Variants in CAMTA1 observed in about 807,000 individuals in gnomAD.
CAMTA1 encodes the protein calmodulin-binding transcription activator 1.
CAMTA1 carries 27 observed loss-of-function variants against 170.9 expected under a neutral mutation model. The observed-to-expected ratio is 0.16, with a 90% confidence interval of 0.12 to 0.22. The LOEUF is 0.22. CAMTA1 is among the 10% of genes least tolerant of loss of function. The pLI is 1.00. For missense variants in CAMTA1, 1,619 were observed against 2,217.2 expected (o/e 0.73, Z 5.42); for synonymous variants, 833 against 891.5 (o/e 0.93, Z 1.17).
intron 5 of CAMTA1, among the ~76,000 whole-genome samples, chr1:7,314,854 G>T (rs1415838624): frequency 1.3e-5 from 2 of 152,168 alleles, no homozygotes; most frequent in African/African-American, 4.8e-5. Flanking sequence ...GTGCATCTGA[G>T]ATCTGGCAGA....
At chr1:7,336,855 A>G (rs1349168344) in intron 5 of CAMTA1, among the ~76,000 whole-genome samples, 2 of 152,178 alleles carry the variant, frequency 1.3e-5, no homozygotes, top group Non-Finnish European at 2.9e-5. Context: ...TGGCCCTTCT[A>G]TCTTCCTCAC....
At position 6,802,099 on chromosome 1, in the gene CAMTA1, G is replaced by A. The variant is rs1570124710; in HGVS notation, c.45+16524G>A. On this transcript the variant is annotated intron_variant, in intron 1 of 22. Transcript: ENST00000303635. ...AAGCAGTTTTAGTCTAAGAAGAGCA[G>A]AAGCAATCGTAGCCTCTCGGGACAG... 4.6e-5 allele frequency among the ~76,000 whole-genome samples: 7 copies of A among 152,342 alleles called. 1 individual carries two copies. Among genetic ancestry groups the A allele is most frequent in the Admixed American group, 4.6e-4 (7 of 15,308 alleles).
At chr1:6,856,347 G>A (rs1232628498) in intron 3 of CAMTA1, among the ~76,000 whole-genome samples, 1 of 131,550 alleles carries the variant, frequency 7.6e-6, no homozygotes, top group South Asian at 2.8e-4. Flanking sequence ...TTTTTTTTTG[G>A]TATTCATTCA....
chr1:7,710,865 C>T (rs758697429), intron 11 of CAMTA1, among the ~76,000 whole-genome samples: 4 of 152,066 alleles, frequency 2.6e-5, no homozygotes, highest in African/African-American at 4.8e-5. Context: ...CTCTTATTTC[C>T]CTGTAGTTCC....
In CAMTA1 at chr1:7,328,295, C is replaced by A. The variant is rs1338044529; in HGVS notation, c.438+78669C>A. Among the ~76,000 whole-genome samples the A allele has an allele frequency of 2.0e-5, 3 of 152,028 alleles. No individual in the cohort carries two copies. In the East Asian group the frequency reaches 5.8e-4, roughly 29 times the overall value. On this transcript the variant is annotated intron_variant, in intron 5 of 22. Transcript: ENST00000303635. ...GCGGATTGAGCTCAGGAGTTTGAGA[C>A]CAGCCTGGGAAACATGGCAAAATGC... is the stretch of plus-strand genomic sequence containing the variant.
At chr1:7,013,327 T>C (rs1700093523) in intron 3 of CAMTA1, among the ~76,000 whole-genome samples, 1 of 149,986 alleles carries the variant, frequency 6.7e-6, no homozygotes, top group African/African-American at 2.5e-5. Flanking sequence ...GAGATTCTCA[T>C]GCCTTAGCCT....
chr1:7,499,811 G>A (rs1471180111), intron 6 of CAMTA1, among the ~76,000 whole-genome samples: 1 of 143,952 alleles, frequency 6.9e-6, no homozygotes. Context: ...GATTGTGTGA[G>A]CCTGGTGTGC....
intron 1 of CAMTA1, among the ~76,000 whole-genome samples, chr1:6,803,735 A>G (rs1644166400): frequency 6.6e-6 from 1 of 152,136 alleles, no homozygotes; most frequent in South Asian, 2.1e-4. Context: ...TTTCTTTTTA[A>G]AGATGGTCTC....
Position 7,479,610 on chromosome 1 carries a change from T to C in CAMTA1, c.510+11709T>C, listed in dbSNP as rs949110156. On this transcript the variant is annotated intron_variant, in intron 6 of 22. Coordinates refer to ENST00000303635, the MANE Select transcript of CAMTA1 (RefSeq NM_015215.4). ...TTCCCCAGGCCTCATTGGGCTGTCA[T>C]GTGAGATGCGCTGGTGCTGGCGAGC... is the stretch of plus-strand genomic sequence containing the variant. Among the ~76,000 whole-genome samples the C allele has an allele frequency of 5.3e-5, 8 of 152,200 alleles. No individual in the cohort carries two copies. In the East Asian group the frequency reaches 1.5e-3, roughly 29 times the overall value.
Position 7,580,910 on chromosome 1 carries a change from C to T in CAMTA1, c.511-59490C>T, listed in dbSNP as rs2095255219. ...ACCTCGAGAAGGTCACATGACCTCGCTGGGCCTCAGTTTCCTCATCTGTAA... is the reference window on the plus strand; with the variant it reads ...ACCTCGAGAAGGTCACATGACCTCGTTGGGCCTCAGTTTCCTCATCTGTAA... On this transcript the variant is annotated intron_variant, in intron 6 of 22. Coordinates refer to ENST00000303635, the MANE Select transcript of CAMTA1 (RefSeq NM_015215.4). The surrounding 1 kb of genome is among the most constrained non-coding windows in gnomAD (Gnocchi z 4.3). 6.6e-6 allele frequency among the ~76,000 whole-genome samples: 1 copy of T among 152,220 alleles called. No individual in the cohort carries two copies. Among genetic ancestry groups the T allele is most frequent in the African/African-American group, 2.4e-5 (1 of 41,456 alleles).
chr1:7,657,861 C>T (rs139820887), intron 7 of CAMTA1, among the ~76,000 whole-genome samples: 125 of 152,270 alleles, frequency 8.2e-4, no homozygotes, highest in Middle Eastern at 6.8e-3. Flanking sequence ...AAACTCTCTG[C>T]TTGCAATCTG....
chr1:7,658,621 G>T (rs2095926266), intron 7 of CAMTA1, among the ~76,000 whole-genome samples: 1 of 152,164 alleles, frequency 6.6e-6, no homozygotes, highest in Non-Finnish European at 1.5e-5. Context: ...TCTGTAAAAT[G>T]AGTCTGGAAA....
At chr1:7,025,719 A>T (rs76614207) in intron 3 of CAMTA1, among the ~76,000 whole-genome samples, 3,403 of 152,304 alleles carry the variant, frequency 0.022, 119 homozygotes, top group African/African-American at 0.078. Context: ...ACAGGTGACT[A>T]CTACTTACCA....
In CAMTA1 at chr1:7,050,883, G is replaced by C. The variant is rs1706236590; in HGVS notation, c.235-40421G>C. Among the ~76,000 whole-genome samples the C allele has an allele frequency of 6.6e-6, 1 of 152,180 alleles. No individual in the cohort carries two copies. The highest frequency in any genetic ancestry group is 1.5e-5 in the Non-Finnish European group (1 of 68,028). ...ATGGGAGCCGTGCACAGGAGCGCTG[G>C]CCATTCGTCTTGAGGCCCCACTGCA... On this transcript the variant is annotated intron_variant, in intron 3 of 22. Transcript: ENST00000303635. This position sits in a 1 kb window ranked among gnomAD's most constrained non-coding sequence, Gnocchi z 4.8.
At chr1:7,474,992 G>A (rs938582893) in intron 6 of CAMTA1, among the ~76,000 whole-genome samples, 4 of 152,212 alleles carry the variant, frequency 2.6e-5, no homozygotes, top group African/African-American at 7.2e-5. Flanking sequence ...GGCCGCGCTC[G>A]CCCCTCAGCC....
Position 7,674,697 on chromosome 1 carries a change from C to T in CAMTA1, c.2780-2902C>T, listed in dbSNP as rs2096096116. On this transcript the variant is annotated intron_variant, in intron 10 of 22. Coordinates refer to ENST00000303635, the MANE Select transcript of CAMTA1 (RefSeq NM_015215.4). The surrounding 1 kb of genome is among the most constrained non-coding windows in gnomAD (Gnocchi z 4.1). The stretch of plus-strand genomic sequence containing the variant: ...GCTGAGGCAGGAGAATCACCTGAAC[C>T]TGGCAGGTGGAGGTTGCAGTGAGCC... 1.3e-5 allele frequency among the ~76,000 whole-genome samples: 2 copies of T among 152,126 alleles called. No individual in the cohort carries two copies.
At position 6,892,980 on chromosome 1, in the gene CAMTA1, T is replaced by TA. The variant is rs918934005; in HGVS notation, c.234+67781dup. On this transcript the variant is annotated intron_variant, in intron 3 of 22. Transcript: ENST00000303635. The stretch of plus-strand genomic sequence containing the variant: ...AGAAACAGCCTCATTAAAGAACTGT[T>TA]AAAAAAAAAAAGAGCTGTGGCCGGG... 2.0e-3 allele frequency among the ~76,000 whole-genome samples: 298 copies of TA among 146,250 alleles called. 1 individual carries two copies. The highest frequency in any genetic ancestry group is 6.8e-3 in the Middle Eastern group (2 of 292).
chr1:7,189,825 A>C (rs536219692), intron 4 of CAMTA1, among the ~76,000 whole-genome samples: 86 of 152,354 alleles, frequency 5.6e-4, no homozygotes, highest in African/African-American at 1.9e-3. Flanking sequence ...AAAAACTTTC[A>C]CACTCATGTT....
chr1:6,935,079 A>C (rs182640456), intron 3 of CAMTA1, among the ~76,000 whole-genome samples: 5 of 152,378 alleles, frequency 3.3e-5, no homozygotes, highest in Admixed American at 3.3e-4. Context: ...ATTCATAAAA[A>C]GAAATTGTGG....
Sources: gnomAD v4.1 joint callset for allele counts (sites outside exome capture counted in the v4.1 genomes callset) on GRCh38, gnomAD v4.1.1 for gene constraint, Gnocchi (gnomAD v3.1) non-coding constraint, MANE v1.5 for transcripts, NCBI Gene and HGNC (gene_info 2026-07-23, HGNC 2026-07-21) for gene names.